PDGFC: variants seen among roughly 807,000 people sequenced by gnomAD.
PDGFC encodes the protein platelet-derived growth factor C.
In PDGFC, 12 loss-of-function variants were observed where a neutral mutation model predicts 35.5. The observed-to-expected ratio is 0.34, with a 90% confidence interval of 0.22 to 0.55. The LOEUF is 0.55. Ranked by LOEUF, PDGFC falls within the 20% of genes least tolerant of loss-of-function variation. PDGFC has a pLI of 0.91. For missense variants in PDGFC, 322 were observed against 412.4 expected (o/e 0.78, Z 1.90); for synonymous variants, 159 against 148.8 (o/e 1.07, Z -0.50).
At chr4:156,858,512 T>C (rs1009634195) in intron 1 of PDGFC, among the ~76,000 whole-genome samples, 1 of 151,958 alleles carries the variant, frequency 6.6e-6, no homozygotes, top group Non-Finnish European at 1.5e-5. Context: ...ATACTATAAG[T>C]TTTTTACTCT....
At position 156,851,930 on chromosome 4, in the gene PDGFC, C is replaced by CAAAAAAAAAAAAA. The variant is rs61505882; in HGVS notation, c.119-1527_119-1515dup. Among the ~76,000 whole-genome samples the CAAAAAAAAAAAAA allele has an allele frequency of 1.9e-3, 89 of 47,852 alleles. 1 individual carries two copies. The highest frequency in any genetic ancestry group is 0.014 in the Middle Eastern group (1 of 74). 31.4% of individuals were successfully genotyped at this position (47,852 alleles called of 152,430 possible). On this transcript the variant is annotated intron_variant, in intron 1 of 5. Transcript: ENST00000502773. ...TGGGCGACAGAATGAGACTCCATCT[C>CAAAAAAAAAAAAA]AAAAAAAAAAAAAAAAAAAAAAAAA...
rs553400216 is a variant in PDGFC at position 156,776,295 on chromosome 4, T to C, written c.496-3402A>G. Among the ~76,000 whole-genome samples the C allele has an allele frequency of 9.2e-5, 14 of 152,352 alleles. No individual in the cohort carries two copies. The South Asian group carries it at 2.9e-3, about 32-fold the overall frequency. On this transcript the variant is annotated intron_variant, in intron 3 of 5. Transcript: ENST00000502773. ...TTGGGCTGTTAAACTGGTTAGAATA[T>C]GCAAAATACGCCTTGACTTGGATTT... is the stretch of plus-strand genomic sequence containing the variant.
rs77176595 is a variant in PDGFC at position 156,787,900 on chromosome 4, G to A, written c.496-15007C>T. ...AAATTACCATCTAAGAGTGAGGATGGGAGAAATAATGCCAGAGGCTTGAGG... is the reference window on the plus strand; with the variant it reads ...AAATTACCATCTAAGAGTGAGGATGAGAGAAATAATGCCAGAGGCTTGAGG... On this transcript the variant is annotated intron_variant, in intron 3 of 5. Transcript: ENST00000502773. Among the ~76,000 whole-genome samples, 2,297 of 152,212 alleles carry A rather than the reference G, an allele frequency of 0.015. 117 individuals are homozygous for A. In the South Asian group the frequency reaches 0.17, roughly 11 times the overall value.
intron 4 of PDGFC, among the ~76,000 whole-genome samples, chr4:156,768,800 A>G (rs1730611357): frequency 6.6e-6 from 1 of 152,052 alleles, no homozygotes; most frequent in African/African-American, 2.4e-5. Context: ...AAGAATACCT[A>G]CTTTTGAGGA....
At position 156,767,865 on chromosome 4, in the gene PDGFC, C is replaced by T. The variant is rs746424459; in HGVS notation, c.829G>A (p.Val277Ile). 1.3e-5 allele frequency: 21 copies of T among 1,613,242 alleles called. No individual in the cohort carries two copies. The highest frequency in any genetic ancestry group is 1.7e-5 in the Admixed American group (1 of 59,930). The part of the protein sequence containing the change: ...DTIFWPGCLL[V>I]KRCGGNCACC... ...GCACAGTTCCCACCACAGCGTTTAA[C>T]CAGGAGACAACCTGGCCAGAAAATG... Residue 277 changes from valine (V) to isoleucine (I), a missense_variant, in exon 5 of 6, where the codon GTT becomes ATT. Physicochemically the swap from Val to Ile is conservative, Grantham distance 29. Around this residue, in one of 2 missense-constraint regions of PDGFC, gnomAD observed 202 missense variants for 295.9 expected, o/e 0.68. Coordinates refer to ENST00000502773, the MANE Select transcript of PDGFC (RefSeq NM_016205.3).
intron 1 of PDGFC, among the ~76,000 whole-genome samples, chr4:156,930,309 G>A (rs1242798268): frequency 6.6e-6 from 1 of 152,116 alleles, no homozygotes; most frequent in African/African-American, 2.4e-5. Flanking sequence ...GCAAAATCAG[G>A]CAAACATCAT....
intron 3 of PDGFC, among the ~76,000 whole-genome samples, chr4:156,807,744 G>T: frequency 6.6e-6 from 1 of 151,800 alleles, no homozygotes; most frequent in East Asian, 1.9e-4. Context: ...AGGCTACAGG[G>T]TTATCTCTTT....
chr4:156,791,089 A>C, intron 3 of PDGFC, among the ~76,000 whole-genome samples: 1 of 152,152 alleles, frequency 6.6e-6, no homozygotes, highest in Non-Finnish European at 1.5e-5. Flanking sequence ...ACCACAATAC[A>C]ATGCAAAGCC....
chr4:156,802,579 C>A (rs1433774659), intron 3 of PDGFC, among the ~76,000 whole-genome samples: 1 of 149,226 alleles, frequency 6.7e-6, no homozygotes, highest in Non-Finnish European at 1.5e-5. Flanking sequence ...CACACACACA[C>A]ACACATATAC....
chr4:156,827,999 A>T (rs912343148), intron 2 of PDGFC, among the ~76,000 whole-genome samples: 1 of 152,222 alleles, frequency 6.6e-6, no homozygotes, highest in African/African-American at 2.4e-5. Flanking sequence ...TCCTCCGAAC[A>T]TGCAGGCCAA....
chr4:156,826,393 G>A (rs770877848), intron 2 of PDGFC, among the ~76,000 whole-genome samples: 7 of 151,674 alleles, frequency 4.6e-5, no homozygotes, highest in Non-Finnish European at 8.8e-5. Context: ...AGTAGAGACA[G>A]GGTTTCACCC....
At chr4:156,926,986 T>C (rs1020229129) in intron 1 of PDGFC, among the ~76,000 whole-genome samples, 4 of 152,198 alleles carry the variant, frequency 2.6e-5, no homozygotes, top group East Asian at 1.9e-4. Context: ...GGTGTTTCCA[T>C]ACATCTTCTG....
intron 1 of PDGFC, among the ~76,000 whole-genome samples, chr4:156,858,877 T>C (rs1729644452): frequency 6.6e-6 from 1 of 152,106 alleles, no homozygotes; most frequent in Non-Finnish European, 1.5e-5. Context: ...ATTTTCTACC[T>C]GTGTTGGACA....
chr4:156,845,454 A>T (rs1729304504), intron 2 of PDGFC, among the ~76,000 whole-genome samples: 1 of 151,788 alleles, frequency 6.6e-6, no homozygotes, highest in Admixed American at 6.6e-5. Context: ...AATTATTCAT[A>T]ATTTCTGCTT....
chr4:156,870,652 C>T (rs973788055), intron 1 of PDGFC, among the ~76,000 whole-genome samples: 18 of 151,306 alleles, frequency 1.2e-4, no homozygotes, highest in African/African-American at 3.4e-4. Flanking sequence ...TTATTTAATA[C>T]GAAATACAGG....
intron 3 of PDGFC, among the ~76,000 whole-genome samples, chr4:156,777,085 G>A (rs567086071): frequency 6.6e-5 from 10 of 151,828 alleles, no homozygotes; most frequent in Non-Finnish European, 1.5e-4. Context: ...GCAGATGAGT[G>A]AGTTTTGGGA....
At chr4:156,963,856 T>G (rs1022483744) in intron 1 of PDGFC, among the ~76,000 whole-genome samples, 1 of 152,176 alleles carries the variant, frequency 6.6e-6, no homozygotes, top group Admixed American at 6.5e-5. Context: ...CCTTTATAAT[T>G]TTTAGCTCCC....
chr4:156,962,917 C>A (rs1448077959), intron 1 of PDGFC, among the ~76,000 whole-genome samples: 2 of 152,272 alleles, frequency 1.3e-5, no homozygotes, highest in Non-Finnish European at 2.9e-5. Flanking sequence ...ACCCATCCAA[C>A]TACCCTCTAA....
At chr4:156,869,154 C>T (rs1214232464) in intron 1 of PDGFC, among the ~76,000 whole-genome samples, 1 of 152,084 alleles carries the variant, frequency 6.6e-6, no homozygotes, top group Non-Finnish European at 1.5e-5. Context: ...AAATGACCGG[C>T]CAGGTGCGGT....
Sources: allele counts gnomAD v4.1 joint callset (sites outside exome capture counted in the v4.1 genomes callset), GRCh38; gene constraint gnomAD v4.1.1; regional missense constraint gnomAD v4.1.1; transcripts MANE v1.5; gene names NCBI Gene and HGNC (gene_info 2026-07-23, HGNC 2026-07-21).